LRTM3: variants seen among roughly 807,000 people sequenced by gnomAD.
LRTM3 encodes the protein leucine-rich repeat transmembrane protein 3.
the LRTM3 span, among the ~76,000 whole-genome samples, chr13:102,753,754 T>G: frequency 6.6e-6 from 1 of 152,214 alleles, no homozygotes; most frequent in Non-Finnish European, 1.5e-5. Context: ...TCTTTGGTAG[T>G]AAAGTCTATT....
chr13:102,748,254 G>A, the LRTM3 span: 31 of 1,550,900 alleles, frequency 2.0e-5, no homozygotes, highest in Admixed American at 2.0e-5. Flanking sequence ...TCACTTTCAC[G>A]TAGGTCACTG....
At chr13:102,734,297 A>G in the LRTM3 span, 9 of 1,551,368 alleles carry the variant, frequency 5.8e-6, no homozygotes, top group Non-Finnish European at 6.1e-6. Context: ...TGTATCTGGT[A>G]ATGCTGATGG....
the LRTM3 span, among the ~76,000 whole-genome samples, chr13:102,755,965 T>A: frequency 0.44 from 53,310 of 121,936 alleles, 13,051 homozygotes; most frequent in Non-Finnish European, 0.54. Flanking sequence ...ATATATATTT[T>A]TTTTTTTTCC....
At chr13:102,733,772 C>T in the LRTM3 span, 143 of 1,551,380 alleles carry the variant, frequency 9.2e-5, no homozygotes, top group African/African-American at 1.6e-3. Context: ...TGACCTGACT[C>T]GTGAAGGTTG....
the LRTM3 span, chr13:102,747,709 C>A: frequency 6.4e-7 from 1 of 1,551,144 alleles, no homozygotes; most frequent in Non-Finnish European, 8.7e-7. Flanking sequence ...CTCCGGCACT[C>A]TCTCTGTCTG....
chr13:102,741,736 T>A, the LRTM3 span: 2 of 1,550,384 alleles, frequency 1.3e-6, no homozygotes, highest in Admixed American at 3.9e-5. Context: ...TCTTCGATCC[T>A]TCTCTCTCCC....
chr13:102,740,975 G>T, the LRTM3 span: 1 of 1,550,082 alleles, frequency 6.5e-7, no homozygotes, highest in South Asian at 1.2e-5. Flanking sequence ...TGAACATGGA[G>T]GTTGATCCAC....
the LRTM3 span, chr13:102,732,118 T>C: frequency 6.4e-7 from 1 of 1,551,418 alleles, no homozygotes; most frequent in South Asian, 1.2e-5. Context: ...GTTCCCCTTT[T>C]ACAATTGTTA....
the LRTM3 span, among the ~76,000 whole-genome samples, chr13:102,757,957 A>G: frequency 5.3e-5 from 8 of 152,210 alleles, no homozygotes; most frequent in South Asian, 2.1e-4. Context: ...AGTTGTGATT[A>G]TGTCAGTATT....
the LRTM3 span, chr13:102,747,774 G>A: frequency 6.4e-7 from 1 of 1,551,112 alleles, no homozygotes; most frequent in Non-Finnish European, 8.7e-7. Flanking sequence ...TCCATCATGG[G>A]GCATGGACTA....
chr13:102,745,082 G>A, the LRTM3 span: 2 of 1,550,760 alleles, frequency 1.3e-6, no homozygotes, highest in Non-Finnish European at 1.7e-6. Context: ...TATTGGCTCT[G>A]CAGGCTGAAG....
the LRTM3 span, chr13:102,741,891 G>A: frequency 6.5e-7 from 1 of 1,550,276 alleles, no homozygotes; most frequent in Non-Finnish European, 8.7e-7. Context: ...ATCCTTAACG[G>A]TCCAATATAG....
the LRTM3 span, chr13:102,745,146 T>A: frequency 1.3e-6 from 2 of 1,550,588 alleles, no homozygotes; most frequent in Non-Finnish European, 1.7e-6. Context: ...CTTCCTTGGT[T>A]TTCTAATTTG....
At chr13:102,745,039 G>C in the LRTM3 span, 1 of 1,550,774 alleles carries the variant, frequency 6.4e-7, no homozygotes. Context: ...TGCCATTTTG[G>C]GTCTGGAGGC....
chr13:102,732,960 C>CA, the LRTM3 span: 1 of 1,551,406 alleles, frequency 6.4e-7, no homozygotes, highest in Non-Finnish European at 8.7e-7. Context: ...AATTCCAGAA[C>CA]ACCTTCCTCT....
the LRTM3 span, chr13:102,744,580 T>G: frequency 6.4e-7 from 1 of 1,550,450 alleles, no homozygotes; most frequent in African/African-American, 1.4e-5. Flanking sequence ...GCTTTGTTTT[T>G]TGCACTATGT....
At chr13:102,732,831 C>T in the LRTM3 span, 3 of 1,551,114 alleles carry the variant, frequency 1.9e-6, no homozygotes, top group African/African-American at 4.1e-5. Flanking sequence ...CTATCATTGT[C>T]CATTTCTAAT....
the LRTM3 span, chr13:102,733,217 T>A: frequency 6.4e-7 from 1 of 1,551,420 alleles, no homozygotes; most frequent in Non-Finnish European, 8.7e-7. Context: ...AATATCTTGT[T>A]CTTCTATATT....
chr13:102,738,482 CT>C, the LRTM3 span: 1 of 1,550,716 alleles, frequency 6.4e-7, no homozygotes, highest in Non-Finnish European at 8.7e-7. Context: ...ATGTTCTATC[CT>C]TTTCTCTTGC....
Sources: allele counts gnomAD v4.1 joint callset (sites outside exome capture counted in the v4.1 genomes callset), GRCh38; gene constraint gnomAD v4.1.1; transcripts MANE v1.5; gene names NCBI Gene and HGNC (gene_info 2026-07-23, HGNC 2026-07-21).